The following PTPRG variants were observed in gnomAD, a reference collection of about 807,000 sequenced individuals.
PTPRG encodes the protein receptor-type tyrosine-protein phosphatase gamma.
Under a neutral mutation model 165.3 loss-of-function variants are expected in PTPRG, and 102 were observed. That is an observed-to-expected ratio of 0.62 (90% CI 0.53 to 0.73). PTPRG has a LOEUF of 0.73. PTPRG is among the 30% of genes least tolerant of loss of function. The probability of loss-of-function intolerance (pLI) is 0.00; values close to 1 mark genes in which losing one functional copy is unlikely to be tolerated. For synonymous variants in PTPRG, 675 were observed against 669.5 expected (o/e 1.01, Z -0.13); for missense variants, 1,866 against 1,861.4 (o/e 1.00, Z -0.05).
intron 1 of PTPRG, among the ~76,000 whole-genome samples, chr3:61,633,897 GTT>G (rs34304607): frequency 6.2e-5 from 9 of 144,162 alleles, no homozygotes; most frequent in Non-Finnish European, 4.6e-5. Flanking sequence ...TTGTCGAGTG[GTT>G]TTTTTTTTTT....
intron 5 of PTPRG, among the ~76,000 whole-genome samples, chr3:62,095,084 C>G (rs1354904424): frequency 1.3e-5 from 2 of 152,162 alleles, no homozygotes. Flanking sequence ...TAAAATCAGC[C>G]TGGATACCCA....
At chr3:62,076,209 T>TC (rs1357931413) in intron 4 of PTPRG, among the ~76,000 whole-genome samples, 1 of 151,778 alleles carries the variant, frequency 6.6e-6, no homozygotes, top group Non-Finnish European at 1.5e-5. Flanking sequence ...ATCGCTTGAG[T>TC]CCAGGAGGTC....
chr3:61,775,484 A>T (rs2034349548), intron 2 of PTPRG, among the ~76,000 whole-genome samples: 1 of 152,190 alleles, frequency 6.6e-6, no homozygotes, highest in Non-Finnish European at 1.5e-5. Context: ...TTTTAATCGT[A>T]TTAAAATAAT....
intron 4 of PTPRG, among the ~76,000 whole-genome samples, chr3:62,031,429 C>T (rs1345368675): frequency 4.6e-5 from 7 of 151,984 alleles, no homozygotes; most frequent in African/African-American, 9.7e-5. Flanking sequence ...GCAGAAGTCT[C>T]GGATGGCTAT....
chr3:61,604,485 A>T (rs3856946), intron 1 of PTPRG, among the ~76,000 whole-genome samples: 5 of 151,954 alleles, frequency 3.3e-5, no homozygotes, highest in South Asian at 2.1e-4. Flanking sequence ...TAAACATTAA[A>T]GGCCCATATG....
intron 3 of PTPRG, among the ~76,000 whole-genome samples, chr3:61,992,947 A>G (rs1214868259): frequency 6.6e-6 from 1 of 152,188 alleles, no homozygotes; most frequent in African/African-American, 2.4e-5. Context: ...GATTACAGGC[A>G]TGAGCCACCA....
intron 2 of PTPRG, among the ~76,000 whole-genome samples, chr3:61,949,139 G>A (rs1336588513): frequency 2.0e-5 from 3 of 151,268 alleles, no homozygotes; most frequent in Non-Finnish European, 4.4e-5. Context: ...GTCACCAAGG[G>A]ATTAGTAGAG....
intron 1 of PTPRG, among the ~76,000 whole-genome samples, chr3:61,584,511 T>A (rs1006541371): frequency 1.3e-5 from 2 of 152,166 alleles, no homozygotes; most frequent in African/African-American, 4.8e-5. Context: ...GCAATTTCAT[T>A]TGTTTATAAC....
At chr3:62,079,839 A>C (rs1701505147) in intron 5 of PTPRG, among the ~76,000 whole-genome samples, 1 of 152,218 alleles carries the variant, frequency 6.6e-6, no homozygotes, top group Non-Finnish European at 1.5e-5. Context: ...AGAACAGCTA[A>C]TACATCATGT....
chr3:62,115,733 T>C (rs1702842361), intron 5 of PTPRG, among the ~76,000 whole-genome samples: 1 of 151,952 alleles, frequency 6.6e-6, no homozygotes, highest in African/African-American at 2.4e-5. Flanking sequence ...GACAAGGGTT[T>C]TCCATTTTGC....
At chr3:61,897,401 T>G (rs2038386909) in intron 2 of PTPRG, among the ~76,000 whole-genome samples, 1 of 152,140 alleles carries the variant, frequency 6.6e-6, no homozygotes, top group Non-Finnish European at 1.5e-5. Context: ...TGAGCATATT[T>G]GTTTGAGTCT....
intron 5 of PTPRG, among the ~76,000 whole-genome samples, chr3:62,115,595 A>T (rs958399902): frequency 1.3e-5 from 2 of 152,032 alleles, no homozygotes; most frequent in African/African-American, 4.8e-5. Context: ...CAACTTATAG[A>T]GTATAACTGT....
chr3:61,902,659 G>C (rs1156506244), intron 2 of PTPRG, among the ~76,000 whole-genome samples: 1 of 152,162 alleles, frequency 6.6e-6, no homozygotes, highest in African/African-American at 2.4e-5. Flanking sequence ...TAGTATACCT[G>C]TAAAGTATCA....
At chr3:61,873,909 C>G (rs958454852) in intron 2 of PTPRG, among the ~76,000 whole-genome samples, 1 of 152,146 alleles carries the variant, frequency 6.6e-6, no homozygotes, top group Non-Finnish European at 1.5e-5. Flanking sequence ...CTGTTGCTTC[C>G]CCTTTAAAAT....
At chr3:62,108,883 G>A (rs1358859327) in intron 5 of PTPRG, among the ~76,000 whole-genome samples, 1 of 151,998 alleles carries the variant, frequency 6.6e-6, no homozygotes, top group Admixed American at 6.6e-5. Flanking sequence ...ATTTTTTGAT[G>A]GGGTTGTTTT....
rs34010935 is a variant in PTPRG at position 61,742,403 on chromosome 3, A to ATTTTTTTT, written c.86-6462_86-6455dup. 12 of 734,640 alleles carry ATTTTTTTT rather than the reference A, an allele frequency of 1.6e-5. 1 individual carries two copies. Among genetic ancestry groups the ATTTTTTTT allele is most frequent in the Admixed American group, 7.5e-5 (2 of 26,796 alleles). The allele number at this position is 734,640 out of a possible 1,614,324, so 45.5% of individuals were successfully genotyped here. On this transcript the variant is annotated intron_variant, in intron 1 of 29. Transcript: ENST00000474889. ...AAGAAATTGGGCCTTTGGGTCTGGA[A>ATTTTTTTT]TTTTTTTTTTTTTTTTTTTTGAACT...
intron 2 of PTPRG, among the ~76,000 whole-genome samples, chr3:61,911,358 A>G (rs545349376): frequency 3.5e-4 from 53 of 152,278 alleles, no homozygotes; most frequent in African/African-American, 1.2e-3. Flanking sequence ...AGTGGGATAA[A>G]AGAGTAGGCA....
chr3:62,219,384 A>G lies in PTPRG; in HGVS notation c.2288+401A>G, dbSNP rs529463590. On this transcript the variant is annotated intron_variant, in intron 13 of 29. Coordinates refer to ENST00000474889, the MANE Select transcript of PTPRG (RefSeq NM_002841.4). This position sits in a 1 kb window ranked among gnomAD's most constrained non-coding sequence, Gnocchi z 4.5. ...ATGCTTACTTTGTTGTAGTCACATAATAACTCCTCTTTACCTTAGAATTTT... is the reference window on the plus strand; with the variant it reads ...ATGCTTACTTTGTTGTAGTCACATAGTAACTCCTCTTTACCTTAGAATTTT... Among the ~76,000 whole-genome samples, 4 of 152,368 alleles carry G rather than the reference A, an allele frequency of 2.6e-5. No individual in the cohort carries two copies. The highest frequency in any genetic ancestry group is 9.6e-5 in the African/African-American group (4 of 41,598).
intron 2 of PTPRG, among the ~76,000 whole-genome samples, chr3:61,855,671 TA>T (rs763695265): frequency 0.14 from 18,946 of 139,540 alleles, 1,263 homozygotes; most frequent in Non-Finnish European, 0.15. Context: ...TTTTTTTTTT[TA>T]AAAGCAAAGC....
Sources: gnomAD v4.1 joint callset for allele counts (sites outside exome capture counted in the v4.1 genomes callset) on GRCh38, gnomAD v4.1.1 for gene constraint, Gnocchi (gnomAD v3.1) non-coding constraint, MANE v1.5 for transcripts, NCBI Gene and HGNC (gene_info 2026-07-23, HGNC 2026-07-21) for gene names.